MRGPRF: variants seen among roughly 807,000 people sequenced by gnomAD.
The protein encoded by MRGPRF is mas-related G protein-coupled receptor member F.
A neutral mutation model predicts 3.3 loss-of-function variants in MRGPRF; 2 were observed. The ratio of observed to expected loss-of-function variants is 0.61; its 90% CI spans 0.25 to 1.92. The LOEUF is 1.92. Ranked by LOEUF, MRGPRF falls within the 40% of genes most tolerant of loss-of-function variation. The probability of loss-of-function intolerance (pLI) is 0.16; values close to 1 mark genes in which losing one functional copy is unlikely to be tolerated. For synonymous variants in MRGPRF, 242 were observed against 222.7 expected (o/e 1.09, Z -0.77); for missense variants, 500 against 476.0 (o/e 1.05, Z -0.47).
chr11:69,006,332 A>C (rs1315780350), intron 2 of MRGPRF, 71 bp from the exon 3 acceptor site: 86 of 1,216,628 alleles, frequency 7.1e-5, no homozygotes, highest in Middle Eastern at 2.9e-4. Context: ...TCTGGGGCCC[A>C]GCGTGGGGGA....
In MRGPRF at chr11:69,005,744, G is replaced by T; in HGVS notation, c.566C>A (p.Ala189Asp). ...NYFCVFLGRGAPGAACRHMDI... is the reference protein window; with the variant it reads ...NYFCVFLGRGDPGAACRHMDI... Reference sequence around the variant, plus strand: ...CATGTGCCTGCAGGCCGCGCCGGGGGCCCCGCGGCCCAGGAACACGCAGAA... The same window carrying T: ...CATGTGCCTGCAGGCCGCGCCGGGGTCCCCGCGGCCCAGGAACACGCAGAA... The change falls in exon 3 of 3, where the codon GCC becomes GAC. Residue 189 changes from alanine to aspartate, a missense_variant. Coordinates refer to ENST00000309099, the MANE Select transcript of MRGPRF (RefSeq NM_145015.5). 1.9e-6 allele frequency: 3 copies of T among 1,549,638 alleles called. No homozygotes were observed. Among genetic ancestry groups the T allele is most frequent in the Non-Finnish European group, 2.6e-6 (3 of 1,146,434 alleles).
At position 69,009,814 on chromosome 11, in the gene MRGPRF, C is replaced by A. The variant is rs556688255; in HGVS notation, c.48+40G>T. On this transcript the variant is annotated intron_variant, in intron 2 of 2. Coordinates refer to ENST00000309099, the MANE Select transcript of MRGPRF (RefSeq NM_145015.5). ...TGGGTCTGCCCCTCCCACCCACACC[C>A]GTCTGGGCAAGACCAGGGCCCTCCG... 1.3e-5 allele frequency: 21 copies of A among 1,599,890 alleles called. No homozygotes were observed. The Admixed American group carries it at 1.8e-4, about 14-fold the overall frequency.
upstream of MRGPRF, chr11:69,013,424 C>T (rs183162581): frequency 4.3e-4 from 65 of 152,638 alleles, 1 homozygote; most frequent in Non-Finnish European, 7.3e-4. Context: ...CGCCTGGTGA[C>T]GTCACGTTGG....
At chr11:69,006,352 T>C (rs1305274330) in intron 2 of MRGPRF, 91 bp from the exon 3 acceptor site, 90 of 977,112 alleles carry the variant, frequency 9.2e-5, no homozygotes, top group Non-Finnish European at 1.2e-4. Context: ...AGGGGGGGGG[T>C]CCCAATTAGG....
intron 1 of MRGPRF, among the ~76,000 whole-genome samples, chr11:69,010,556 G>T (rs1860573380): frequency 6.6e-6 from 1 of 152,228 alleles, no homozygotes; most frequent in Non-Finnish European, 1.5e-5. Flanking sequence ...CATCTGGTTT[G>T]GTCCTCATGA....
intron 2 of MRGPRF, among the ~76,000 whole-genome samples, chr11:69,006,619 C>CTTTTTTTTTTTT (rs11326908): frequency 9.3e-6 from 1 of 107,934 alleles, no homozygotes; most frequent in Non-Finnish European, 1.8e-5. Flanking sequence ...GAGCCTTTCC[C>CTTTTTTTTTTTT]TTTTTTTTTT....
intron 1 of MRGPRF, among the ~76,000 whole-genome samples, chr11:69,012,725 G>T (rs1010278627): frequency 6.6e-6 from 1 of 152,164 alleles, no homozygotes; most frequent in Non-Finnish European, 1.5e-5. Context: ...GGGAGGGACC[G>T]AGAGGGAGCC....
chr11:69,012,464 G>A (rs1285551536), intron 1 of MRGPRF: 1 of 152,278 alleles, frequency 6.6e-6, no homozygotes, highest in Admixed American at 6.5e-5. Context: ...AGGCTTGTCT[G>A]GGGGGACTGA....
At chr11:69,009,640 G>T in intron 2 of MRGPRF, 1 of 671,298 alleles carries the variant, frequency 1.5e-6, no homozygotes, top group Non-Finnish European at 2.7e-6. Flanking sequence ...TCCAGTCCTG[G>T]TGCTTGCCTC....
chr11:69,006,376 G>C, intron 2 of MRGPRF, 115 bp from the exon 3 acceptor site: 1 of 1,241,254 alleles, frequency 8.1e-7, no homozygotes, highest in Non-Finnish European at 1.1e-6. Context: ...TTGGGGCAGG[G>C]AGGGGGTCTG....
In MRGPRF at chr11:69,005,730, A is replaced by G; in HGVS notation, c.580T>C (p.Cys194Arg). 6.5e-7 allele frequency: 1 copy of G among 1,550,326 alleles called. No homozygotes were observed. The highest frequency in any genetic ancestry group is 8.7e-7 in the Non-Finnish European group (1 of 1,146,712). Reference sequence around the variant, plus strand: ...CCCAGGAAGATGTCCATGTGCCTGCAGGCCGCGCCGGGGGCCCCGCGGCCC... The same window carrying G: ...CCCAGGAAGATGTCCATGTGCCTGCGGGCCGCGCCGGGGGCCCCGCGGCCC... ...FLGRGAPGAA[C>R]RHMDIFLGIL... The change falls in exon 3 of 3, where the codon TGC becomes CGC. Residue 194 changes from cysteine to arginine, a missense_variant. Coordinates refer to ENST00000309099, the MANE Select transcript of MRGPRF (RefSeq NM_145015.5).
At chr11:69,013,386 C>G (rs1429007645), upstream of MRGPRF, 3 of 152,568 alleles carry the variant, frequency 2.0e-5, no homozygotes, top group Admixed American at 1.3e-4. Context: ...GGAGCCCCCC[C>G]CAGAGCCCCA....
intron 2 of MRGPRF, 79 bp from the exon 3 acceptor site, chr11:69,006,340 G>A (rs1408289880): frequency 1.0e-5 from 14 of 1,381,116 alleles, no homozygotes; most frequent in Non-Finnish European, 1.2e-5. Flanking sequence ...CCAGCGTGGG[G>A]GAGGGGGGGG....
chr11:69,009,672 G>A, intron 2 of MRGPRF, 182 bp downstream of exon 2: 1 of 730,828 alleles, frequency 1.4e-6, no homozygotes, highest in South Asian at 1.5e-5. Context: ...CAGGAGGGTA[G>A]GAGGGTCCAG....
At position 69,005,750 on chromosome 11, in the gene MRGPRF, C is replaced by T. The variant is rs1349859546; in HGVS notation, c.560G>A (p.Arg187His). The change falls in exon 3 of 3, where the codon CGC becomes CAC. Residue 187 changes from arginine to histidine, a missense_variant. Arg to His is a conservative substitution (Grantham distance 29). Transcript: ENST00000309099. ...LHNYFCVFLG[R>H]GAPGAACRHM... Reference sequence around the variant, plus strand: ...CCTGCAGGCCGCGCCGGGGGCCCCGCGGCCCAGGAACACGCAGAAGTAGTT... The same window carrying T: ...CCTGCAGGCCGCGCCGGGGGCCCCGTGGCCCAGGAACACGCAGAAGTAGTT... The T allele has an allele frequency of 3.2e-6, 5 of 1,549,256 alleles. No individual in the cohort carries two copies. Among genetic ancestry groups the T allele is most frequent in the East Asian group, 2.4e-5 (1 of 40,902 alleles).
chr11:69,007,055 T>C (rs1212590402), intron 2 of MRGPRF, among the ~76,000 whole-genome samples: 1 of 152,252 alleles, frequency 6.6e-6, no homozygotes, highest in Admixed American at 6.5e-5. Flanking sequence ...GTATGGACGA[T>C]GCAGAGATAA....
intron 2 of MRGPRF, among the ~76,000 whole-genome samples, chr11:69,007,559 A>T (rs1002137097): frequency 1.3e-5 from 2 of 152,262 alleles, no homozygotes; most frequent in Non-Finnish European, 2.9e-5. Flanking sequence ...CTGTCAAGAG[A>T]TAGAGAGAAA....
intron 2 of MRGPRF, among the ~76,000 whole-genome samples, chr11:69,008,957 T>C (rs976983423): frequency 2.0e-5 from 3 of 152,224 alleles, no homozygotes; most frequent in African/African-American, 4.8e-5. Context: ...AGCCGCATAC[T>C]GCCTTGTAGA....
rs775905409 is a variant in MRGPRF at position 69,005,817 on chromosome 11, C to T, written c.493G>A (p.Ala165Thr). 9 of 1,532,562 alleles carry T rather than the reference C, an allele frequency of 5.9e-6. No individual in the cohort carries two copies. Among genetic ancestry groups the T allele is most frequent in the South Asian group, 4.9e-5 (4 of 80,956 alleles). 94.9% of individuals were successfully genotyped at this position (1,532,562 alleles called of 1,614,324 possible). A position where few individuals can be genotyped will look rare whatever the true frequency, so the allele number is the denominator to read the frequency against. The change falls in exon 3 of 3, where the codon GCC (alanine) becomes ACC (threonine). Residue 165 changes from alanine (A) to threonine (T), a missense_variant. Coordinates refer to ENST00000309099, the MANE Select transcript of MRGPRF (RefSeq NM_145015.5). ...RPKRLSAVVCALLWVLSLLVT... is the reference protein window; with the variant it reads ...RPKRLSAVVCTLLWVLSLLVT... The stretch of plus-strand genomic sequence containing the variant: ...AGGAGGGACAGGACCCACAGCAGGG[C>T]GCACACCACGGCCGACAGGCGCTTG...
Sources: gnomAD v4.1 joint callset for allele counts (sites outside exome capture counted in the v4.1 genomes callset) on GRCh38, gnomAD v4.1.1 for gene constraint, MANE v1.5 for transcripts, NCBI Gene and HGNC (gene_info 2026-07-23, HGNC 2026-07-21) for gene names.